PRIM1: variants seen among roughly 807,000 people sequenced by gnomAD.
PRIM1 encodes DNA primase subunit 1.
PRIM1 carries 38 observed loss-of-function variants against 60.2 expected under a neutral mutation model. The observed-to-expected ratio is 0.63, with a 90% CI of 0.49 to 0.83. The LOEUF is 0.83. Among genes scored for constraint, PRIM1 ranks in the 40% least tolerant of loss-of-function variants. The probability of loss-of-function intolerance (pLI) is 0.00; values close to 1 mark genes in which losing one functional copy is unlikely to be tolerated. For synonymous variants in PRIM1, 158 were observed against 160.2 expected, an observed-to-expected ratio of 0.99 and a Z score of 0.10; for missense variants, 388 against 506.2, an observed-to-expected ratio of 0.77 and a Z score of 2.24.
Position 56,741,589 on chromosome 12 carries a change from A to C in PRIM1, c.841-13T>G, listed in dbSNP as rs765348875. On this transcript the variant is annotated splice_polypyrimidine_tract_variant and intron_variant, in intron 8 of 12. Coordinates refer to ENST00000338193, the MANE Select transcript of PRIM1 (RefSeq NM_000946.3). ...TTTTGATGTTATTCTAAAAGCAGAT[A>C]CAAGGCCAACATGAGGATCAGTAGG... 20 of 1,606,232 alleles carry C rather than the reference A, an allele frequency of 1.2e-5. No individual in the cohort carries two copies. The highest frequency in any genetic ancestry group is 1.6e-5 in the Non-Finnish European group (19 of 1,177,852).
At chr12:56,742,050 C>T (rs764848087) in intron 7 of PRIM1, 196 of 539,174 alleles carry the variant, frequency 3.6e-4, no homozygotes, top group Non-Finnish European at 5.9e-4. Flanking sequence ...GTCAGGAGAT[C>T]GAGACCAGCC....
At position 56,751,027 on chromosome 12, in the gene PRIM1, AG is replaced by A. The variant is rs773504019; in HGVS notation, c.261+10del. Reference sequence around the variant, plus strand: ...TAAAACAACAAAATATATTAAAAAAAGATTTCTTACTCTGTGAGAATATACT... The same window carrying A: ...TAAAACAACAAAATATATTAAAAAAAATTTCTTACTCTGTGAGAATATACT... On this transcript the variant is annotated intron_variant, in intron 2 of 12. Coordinates refer to ENST00000338193, the MANE Select transcript of PRIM1 (RefSeq NM_000946.3). 1.3e-5 allele frequency: 18 copies of A among 1,416,504 alleles called. No homozygotes were observed. In the South Asian group the frequency reaches 2.9e-4, roughly 23 times the overall value. 87.7% of individuals were successfully genotyped at this position (1,416,504 alleles called of 1,614,324 possible).
chr12:56,749,965 G>A (rs1953934611), intron 2 of PRIM1, among the ~76,000 whole-genome samples: 1 of 152,146 alleles, frequency 6.6e-6, no homozygotes, highest in Admixed American at 6.6e-5. Context: ...CCAGTGGCAG[G>A]GGGTGGGAGG....
intron 9 of PRIM1, among the ~76,000 whole-genome samples, chr12:56,741,060 C>T (rs1953869487): frequency 6.6e-6 from 1 of 152,118 alleles, no homozygotes; most frequent in African/African-American, 2.4e-5. Context: ...GTGATTTGCC[C>T]ACCTTGCCCT....
At chr12:56,745,574 A>T (rs1310581770) in intron 5 of PRIM1, among the ~76,000 whole-genome samples, 2 of 152,196 alleles carry the variant, frequency 1.3e-5, no homozygotes, top group African/African-American at 4.8e-5. Flanking sequence ...AAATATCTTA[A>T]AACATGTAGC....
At chr12:56,746,626 TCACACACACACACACACACACACACA>T (rs71446569) in intron 4 of PRIM1, 129 bp downstream of exon 4, 13 of 640,566 alleles carry the variant, frequency 2.0e-5, no homozygotes, top group Admixed American at 1.3e-4. Context: ...GTGAGACTCG[TCACACACACACACACACACACACACA>T]CACACACACA....
At chr12:56,746,672 A>ACG (rs1565906908) in intron 4 of PRIM1, 109 bp downstream of exon 4, 2 of 453,342 alleles carry the variant, frequency 4.4e-6, no homozygotes, top group Non-Finnish European at 6.8e-6. Context: ...ACACACACAC[A>ACG]CACAAATTAA....
At chr12:56,737,638 C>A (rs118097433) in intron 11 of PRIM1, among the ~76,000 whole-genome samples, 1 of 151,150 alleles carries the variant, frequency 6.6e-6, no homozygotes. Flanking sequence ...TGTGAGCCAT[C>A]GCGCCTGGCC....
At chr12:56,738,851 C>T (rs952944365) in intron 10 of PRIM1, among the ~76,000 whole-genome samples, 2 of 152,064 alleles carry the variant, frequency 1.3e-5, no homozygotes, top group African/African-American at 2.4e-5. Flanking sequence ...CGCCTCACCA[C>T]GAACAAGAGA....
intron 7 of PRIM1, among the ~76,000 whole-genome samples, chr12:56,742,525 C>A (rs1487453622): frequency 6.6e-6 from 1 of 151,748 alleles, no homozygotes; most frequent in Non-Finnish European, 1.5e-5. Flanking sequence ...GCCAAGATCA[C>A]ACCACTGCAC....
intron 9 of PRIM1, 131 bp downstream of exon 9, chr12:56,741,304 A>C: frequency 1.0e-6 from 1 of 983,058 alleles, no homozygotes; most frequent in Non-Finnish European, 1.4e-6. Context: ...TGACTTAGGT[A>C]TTGGGTGACA....
In PRIM1 at chr12:56,731,672, T is replaced by C. The variant is rs147876397; in HGVS notation, c.*43A>G. ...GGCTCTTGAAGTATTTGATCTGTGG[T>C]TGAAGGCAGAAGATATCCACAATGG... On this transcript the variant is annotated 3_prime_UTR_variant, in exon 13 of 13. Transcript: ENST00000338193. The C allele has an allele frequency of 1.2e-4, 174 of 1,483,288 alleles. 2 individuals are homozygous for C. The African/African-American group carries it at 1.3e-3, about 11-fold the overall frequency. The allele number at this position is 1,483,288 out of a possible 1,614,324, so 91.9% of individuals were successfully genotyped here. A position where few individuals can be genotyped will look rare whatever the true frequency, so the allele number is the denominator to read the frequency against.
chr12:56,751,264 C>T, intron 1 of PRIM1, 69 bp from the exon 2 acceptor site: 1 of 1,210,644 alleles, frequency 8.3e-7, no homozygotes, highest in Non-Finnish European at 1.1e-6. Context: ...ATAATTTTAG[C>T]CAATGAGAAG....
intron 5 of PRIM1, among the ~76,000 whole-genome samples, chr12:56,745,377 C>T (rs532525846): frequency 1.3e-5 from 2 of 151,946 alleles, no homozygotes; most frequent in South Asian, 4.2e-4. Context: ...CGTTACCGTA[C>T]TCCAGCCTGG....
chr12:56,735,540 A>G (rs1953821031), intron 11 of PRIM1, among the ~76,000 whole-genome samples: 1 of 152,086 alleles, frequency 6.6e-6, no homozygotes, highest in Non-Finnish European at 1.5e-5. Context: ...GATCACAGGG[A>G]GTGCCACCAC....
chr12:56,752,207 T>C lies in PRIM1; in HGVS notation c.92A>G (p.Asn31Ser), dbSNP rs1439065605. ...CTCGCCTCCATCACCTCCACCGTAGTTGAGCCAGCGATAGTACTGAGAGTA... is the reference window on the plus strand; with the variant it reads ...CTCGCCTCCATCACCTCCACCGTAGCTGAGCCAGCGATAGTACTGAGAGTA... The part of the protein sequence containing the change: ...FPYSQYYRWL[N>S]YGGVIKNYFQ... The change falls in exon 1 of 13, where the codon AAC (asparagine) becomes AGC (serine). Residue 31 changes from asparagine (N) to serine (S), a missense_variant. Transcript: ENST00000338193. The C allele has an allele frequency of 1.3e-6, 2 of 1,598,232 alleles. No homozygotes were observed. Among genetic ancestry groups the C allele is most frequent in the African/African-American group, 2.7e-5 (2 of 74,474 alleles).
chr12:56,746,905 AG>A lies in PRIM1; in HGVS notation c.368+20del, dbSNP rs747047137. ...TGTCAGTGATACCACCCACCCTAAC[AG>A]CAAGACACACAGTGCTCACCTACAA... On this transcript the variant is annotated intron_variant, in intron 3 of 12. Transcript: ENST00000338193. 70 of 1,612,908 alleles carry A rather than the reference AG, an allele frequency of 4.3e-5. 2 individuals are homozygous for A. The African/African-American group carries it at 8.5e-4, about 20-fold the overall frequency.
In PRIM1 at chr12:56,734,584, G is replaced by C. The variant is rs957994306; in HGVS notation, c.1145-339C>G. ...CCAACCAATTTTTTTTTTTTTTTTG[G>C]TATTTGTAGAGACGAGGTCTCACTC... On this transcript the variant is annotated intron_variant, in intron 11 of 12. Coordinates refer to ENST00000338193, the MANE Select transcript of PRIM1 (RefSeq NM_000946.3). Among the ~76,000 whole-genome samples, 10 of 147,482 alleles carry C rather than the reference G, an allele frequency of 6.8e-5. No homozygotes were observed. In the East Asian group the frequency reaches 9.8e-4, roughly 15 times the overall value.
intron 9 of PRIM1, 65 bp downstream of exon 9, chr12:56,741,370 A>C: frequency 6.7e-7 from 1 of 1,485,500 alleles, no homozygotes; most frequent in Non-Finnish European, 9.1e-7. Context: ...ACCTAATGCC[A>C]TGCTTACTAA....
Sources: gnomAD v4.1 joint callset for allele counts (sites outside exome capture counted in the v4.1 genomes callset) on GRCh38, gnomAD v4.1.1 for gene constraint, MANE v1.5 for transcripts, NCBI Gene and HGNC (gene_info 2026-07-23, HGNC 2026-07-21) for gene names.